The following SNTG1 variants were observed in gnomAD, a reference collection of about 807,000 sequenced individuals.
SNTG1 encodes gamma-1-syntrophin.
SNTG1 carries 39 observed loss-of-function variants against 74.7 expected under a neutral mutation model. That is an observed-to-expected ratio of 0.52 (90% CI 0.40 to 0.68). SNTG1 has a LOEUF of 0.68. Among genes scored for constraint, SNTG1 ranks in the 30% least tolerant of loss-of-function variants. The pLI is 0.00. For synonymous variants in SNTG1, 254 were observed against 217.1 expected (o/e 1.17, Z -1.49); for missense variants, 685 against 609.5 (o/e 1.12, Z -1.30).
At chr8:49,968,689 T>G (rs138022944) in intron 1 of SNTG1, among the ~76,000 whole-genome samples, 1 of 152,146 alleles carries the variant, frequency 6.6e-6, no homozygotes, top group Non-Finnish European at 1.5e-5. Flanking sequence ...TTCTTCCAGA[T>G]AGACCAAAGC....
chr8:50,786,743 G>A (rs2095676426), intron 18 of SNTG1, among the ~76,000 whole-genome samples: 2 of 151,946 alleles, frequency 1.3e-5, no homozygotes, highest in South Asian at 4.1e-4. Flanking sequence ...AATGTGGAAA[G>A]GAACAGGTTT....
At chr8:50,278,271 C>T (rs941922546) in intron 2 of SNTG1, among the ~76,000 whole-genome samples, 4 of 152,060 alleles carry the variant, frequency 2.6e-5, no homozygotes, top group African/African-American at 7.2e-5. Context: ...AATTTTCTCT[C>T]ATTGTTGAAT....
chr8:50,602,744 C>T (rs923518384), intron 13 of SNTG1, among the ~76,000 whole-genome samples: 3 of 152,124 alleles, frequency 2.0e-5, no homozygotes, highest in Non-Finnish European at 4.4e-5. Flanking sequence ...TTTATTTCTT[C>T]CTCATGCTTA....
intron 1 of SNTG1, among the ~76,000 whole-genome samples, chr8:50,075,804 A>T (rs1673822316): frequency 1.3e-5 from 2 of 152,126 alleles, no homozygotes; most frequent in African/African-American, 4.8e-5. Context: ...CCGCCTTAAG[A>T]GCTATAACAC....
At chr8:50,614,165 A>G (rs963909099) in intron 13 of SNTG1, among the ~76,000 whole-genome samples, 10 of 152,148 alleles carry the variant, frequency 6.6e-5, no homozygotes, top group African/African-American at 2.4e-4. Context: ...GAAAATAATA[A>G]CATATTACAT....
intron 1 of SNTG1, among the ~76,000 whole-genome samples, chr8:50,159,537 C>T (rs2082351838): frequency 6.6e-6 from 1 of 152,100 alleles, no homozygotes; most frequent in South Asian, 2.1e-4. Flanking sequence ...TTACTATAAT[C>T]TCAATGAGAT....
intron 4 of SNTG1, among the ~76,000 whole-genome samples, chr8:50,415,633 G>T (rs1008986356): frequency 3.3e-5 from 5 of 152,086 alleles, no homozygotes; most frequent in African/African-American, 9.6e-5. Context: ...GCCAGTAAAA[G>T]TTCCTCTTTC....
intron 11 of SNTG1, among the ~76,000 whole-genome samples, chr8:50,545,565 C>T (rs1412208346): frequency 1.3e-5 from 2 of 149,458 alleles, no homozygotes; most frequent in Non-Finnish European, 3.0e-5. Context: ...TACTTTATGG[C>T]TGAAAGTACT....
chr8:50,224,974 T>C (rs1343752940), intron 2 of SNTG1, among the ~76,000 whole-genome samples: 1 of 152,084 alleles, frequency 6.6e-6, no homozygotes, highest in East Asian at 1.9e-4. Flanking sequence ...TATTTTTTTA[T>C]TTTTATTTTT....
At chr8:50,163,481 C>CTTTT (rs563894365) in intron 1 of SNTG1, 1 of 125,660 alleles carries the variant, frequency 8.0e-6, no homozygotes, top group Non-Finnish European at 1.7e-5. Context: ...CTTCTTTTTT[C>CTTTT]TTTTTTTTTT....
intron 1 of SNTG1, among the ~76,000 whole-genome samples, chr8:49,948,713 A>C (rs1013578765): frequency 6.6e-6 from 1 of 152,136 alleles, no homozygotes; most frequent in Non-Finnish European, 1.5e-5. Context: ...TTCTTGGCTC[A>C]TTCATGATTG....
intron 2 of SNTG1, among the ~76,000 whole-genome samples, chr8:50,338,079 T>G (rs1444118943): frequency 2.6e-5 from 1 of 38,612 alleles, no homozygotes; most frequent in East Asian, 3.0e-3. Flanking sequence ...GAGCTTGCAG[T>G]GAGCCGAGAT....
At chr8:49,974,303 C>A (rs1563417362) in intron 1 of SNTG1, among the ~76,000 whole-genome samples, 1 of 152,166 alleles carries the variant, frequency 6.6e-6, no homozygotes, top group African/African-American at 2.4e-5. Flanking sequence ...GCGCCAATAC[C>A]TTCCTAGCCC....
At chr8:50,559,582 A>G (rs1490855618) in intron 12 of SNTG1, among the ~76,000 whole-genome samples, 7 of 152,170 alleles carry the variant, frequency 4.6e-5, no homozygotes, top group Non-Finnish European at 1.0e-4. Context: ...ATTGAAAGTC[A>G]AAATTTAGAA....
At chr8:50,371,300 C>A (rs1434035544) in intron 2 of SNTG1, among the ~76,000 whole-genome samples, 1 of 152,150 alleles carries the variant, frequency 6.6e-6, no homozygotes, top group Admixed American at 6.6e-5. Context: ...CAGCAGTACT[C>A]CATCATCCAA....
At chr8:50,004,781 G>A (rs1815059247) in intron 1 of SNTG1, among the ~76,000 whole-genome samples, 1 of 152,168 alleles carries the variant, frequency 6.6e-6, no homozygotes. Flanking sequence ...TACCCTTTGA[G>A]AGAGAAGAAG....
intron 1 of SNTG1, among the ~76,000 whole-genome samples, chr8:50,096,290 T>A (rs1392114446): frequency 5.9e-5 from 9 of 152,164 alleles, no homozygotes; most frequent in African/African-American, 2.2e-4. Flanking sequence ...GTGGAAGAGT[T>A]CAGCACTTTT....
chr8:50,657,851 T>C (rs2131273708), intron 14 of SNTG1, among the ~76,000 whole-genome samples: 1 of 152,260 alleles, frequency 6.6e-6, no homozygotes, highest in Non-Finnish European at 1.5e-5. Flanking sequence ...GTCTTGCTTT[T>C]GGAAACATGT....
intron 8 of SNTG1, among the ~76,000 whole-genome samples, chr8:50,489,927 A>T (rs1390013338): frequency 6.6e-6 from 1 of 152,202 alleles, no homozygotes; most frequent in Non-Finnish European, 1.5e-5. Flanking sequence ...ACTTTAATCC[A>T]TCTTGAGTTA....
Sources: allele counts gnomAD v4.1 joint callset (sites outside exome capture counted in the v4.1 genomes callset), GRCh38; gene constraint gnomAD v4.1.1; transcripts MANE v1.5; gene names NCBI Gene and HGNC (gene_info 2026-07-23, HGNC 2026-07-21).